Variants in SDK1 observed in about 807,000 individuals in gnomAD.
The protein encoded by SDK1 is sidekick cell adhesion molecule 1.
A neutral mutation model predicts 245.5 loss-of-function variants in SDK1; 157 were observed. The ratio of observed to expected loss-of-function variants is 0.64; its 90% CI spans 0.56 to 0.73. The LOEUF (loss-of-function observed/expected upper bound fraction) is 0.73, where lower values mean the gene tolerates loss of function less well. Among genes scored for constraint, SDK1 ranks in the 30% least tolerant of loss-of-function variants. The pLI is 0.00. For synonymous variants in SDK1, 1,647 were observed against 1,278.5 expected, an observed-to-expected ratio of 1.29 and a Z score of -6.15; for missense variants, 3,583 against 3,002.3, an observed-to-expected ratio of 1.19 and a Z score of -4.52.
intron 4 of SDK1, among the ~76,000 whole-genome samples, chr7:3,698,139 G>A (rs1360953478): frequency 1.3e-5 from 2 of 152,168 alleles, no homozygotes; most frequent in East Asian, 3.9e-4. Context: ...CCACAAAGGA[G>A]GCAGCTTAGA....
At chr7:3,835,897 G>A (rs1336919321) in intron 5 of SDK1, among the ~76,000 whole-genome samples, 2 of 152,188 alleles carry the variant, frequency 1.3e-5, no homozygotes, top group African/African-American at 4.8e-5. Context: ...ACCTTTGCCT[G>A]TTTTAAAGAC....
intron 1 of SDK1, among the ~76,000 whole-genome samples, chr7:3,360,291 C>T (rs1780917659): frequency 6.6e-6 from 1 of 152,176 alleles, no homozygotes; most frequent in South Asian, 2.1e-4. Flanking sequence ...GAATTATATG[C>T]AATCTGTTGA....
chr7:4,239,489 T>A (rs1269599936), intron 42 of SDK1, among the ~76,000 whole-genome samples: 1 of 152,224 alleles, frequency 6.6e-6, no homozygotes, highest in East Asian at 1.9e-4. Context: ...TGAGACCACT[T>A]CTCTGGATAA....
intron 29 of SDK1, among the ~76,000 whole-genome samples, chr7:4,147,395 A>C (rs929085811): frequency 4.6e-5 from 7 of 152,052 alleles, no homozygotes; most frequent in African/African-American, 1.7e-4. Context: ...GGCCGCCCAA[A>C]GTGCTGGGGT....
intron 4 of SDK1, chr7:3,642,869 G>A (rs755778466): frequency 6.6e-6 from 1 of 152,226 alleles, no homozygotes; most frequent in Non-Finnish European, 1.5e-5. Context: ...AATGCTATAA[G>A]CTTAGGCCAG....
intron 4 of SDK1, among the ~76,000 whole-genome samples, chr7:3,817,707 G>T (rs1369397873): frequency 6.6e-6 from 1 of 152,164 alleles, no homozygotes; most frequent in Non-Finnish European, 1.5e-5. Flanking sequence ...CATGCCCAAG[G>T]GGTGGGTCTA....
At chr7:3,607,904 A>G (rs533159085) in intron 1 of SDK1, among the ~76,000 whole-genome samples, 20 of 152,364 alleles carry the variant, frequency 1.3e-4, no homozygotes, top group Admixed American at 5.9e-4. Context: ...AGCAGTTCCC[A>G]AAGTGTGGTT....
chr7:3,632,956 G>C (rs892048072), intron 2 of SDK1, among the ~76,000 whole-genome samples: 1 of 152,086 alleles, frequency 6.6e-6, no homozygotes, highest in African/African-American at 2.4e-5. Context: ...TAAATTTCAT[G>C]TAGAAAACTT....
intron 35 of SDK1, among the ~76,000 whole-genome samples, chr7:4,187,441 A>G (rs1461027844): frequency 6.6e-6 from 1 of 152,242 alleles, no homozygotes; most frequent in Non-Finnish European, 1.5e-5. Context: ...CCTTTGAAAT[A>G]CTTCAGCTAA....
chr7:3,721,637 C>A (rs1169484693), intron 4 of SDK1, among the ~76,000 whole-genome samples: 1 of 152,098 alleles, frequency 6.6e-6, no homozygotes, highest in Non-Finnish European at 1.5e-5. Flanking sequence ...ATGTGGGTGT[C>A]TGGTGTTTCC....
intron 4 of SDK1, among the ~76,000 whole-genome samples, chr7:3,819,116 AG>A (rs1334215991): frequency 5.3e-5 from 8 of 152,332 alleles, no homozygotes; most frequent in African/African-American, 1.9e-4. Flanking sequence ...AGTCTCTTGT[AG>A]AAATGCTCTG....
chr7:4,233,241 C>T lies in SDK1; in HGVS notation c.5828-14C>T. On this transcript the variant is annotated splice_polypyrimidine_tract_variant and intron_variant, in intron 40 of 44. Coordinates refer to ENST00000404826, the MANE Select transcript of SDK1 (RefSeq NM_152744.4). ...CTTCTAACCTCTGCTCTCGCCTCCCCATCCCTCTTGCAGATGAAGGCTTAT... is the reference window on the plus strand; with the variant it reads ...CTTCTAACCTCTGCTCTCGCCTCCCTATCCCTCTTGCAGATGAAGGCTTAT... The T allele has an allele frequency of 6.2e-7, 1 of 1,608,986 alleles. No individual in the cohort carries two copies. Among genetic ancestry groups the T allele is most frequent in the Non-Finnish European group, 8.5e-7 (1 of 1,176,696 alleles).
intron 16 of SDK1, among the ~76,000 whole-genome samples, chr7:4,016,182 A>G (rs1467372898): frequency 6.6e-6 from 1 of 152,262 alleles, no homozygotes; most frequent in African/African-American, 2.4e-5. Context: ...CAGAGCTCAG[A>G]GATCAGCGTC....
At chr7:3,442,413 G>C (rs573773980) in intron 1 of SDK1, among the ~76,000 whole-genome samples, 1 of 152,322 alleles carries the variant, frequency 6.6e-6, no homozygotes, top group East Asian at 1.9e-4. Context: ...TGGTAACTGG[G>C]TCATTGCAAA....
intron 10 of SDK1, among the ~76,000 whole-genome samples, chr7:3,968,078 G>C (rs114791123): frequency 1.0e-3 from 152 of 152,386 alleles, no homozygotes; most frequent in African/African-American, 3.6e-3. Flanking sequence ...GACTGGATGT[G>C]AAGTCACTCT....
chr7:4,220,284 C>T lies in SDK1; in HGVS notation c.5701+14C>T. The T allele has an allele frequency of 6.2e-7, 1 of 1,607,020 alleles. No homozygotes were observed. The highest frequency in any genetic ancestry group is 8.5e-7 in the Non-Finnish European group (1 of 1,174,626). ...GGCCAGCCGAGGGTAAGTGGAACTC[C>T]AGGGGCAGACAATGTCAATTGCAAC... On this transcript the variant is annotated intron_variant, in intron 39 of 44. Transcript: ENST00000404826.
chr7:4,174,653 G>A (rs1782071951), intron 33 of SDK1, among the ~76,000 whole-genome samples: 1 of 152,150 alleles, frequency 6.6e-6, no homozygotes, highest in Non-Finnish European at 1.5e-5. Context: ...AGTGGGGAAG[G>A]GCTTTGGGAC....
chr7:4,210,324 G>A (rs1032244162), intron 38 of SDK1, among the ~76,000 whole-genome samples, 162 bp downstream of exon 38: 1 of 152,214 alleles, frequency 6.6e-6, no homozygotes, highest in African/African-American at 2.4e-5. Flanking sequence ...CTGGAGCTGA[G>A]TGCGAGGGGA....
chr7:3,395,827 TC>T, intron 1 of SDK1, among the ~76,000 whole-genome samples: 1 of 151,992 alleles, frequency 6.6e-6, no homozygotes, highest in South Asian at 2.1e-4. Flanking sequence ...TCAGTGGTAA[TC>T]ATCTCTCTTT....
Sources: allele counts gnomAD v4.1 joint callset (sites outside exome capture counted in the v4.1 genomes callset), GRCh38; gene constraint gnomAD v4.1.1; transcripts MANE v1.5; gene names NCBI Gene and HGNC (gene_info 2026-07-23, HGNC 2026-07-21).